L3MBTL4: variants seen among roughly 807,000 people sequenced by gnomAD.
The protein encoded by L3MBTL4 is L3MBTL histone methyl-lysine binding protein 4, also known as lethal(3)malignant brain tumor-like protein 4.
In L3MBTL4, 70 loss-of-function variants were observed where a neutral mutation model predicts 84.5. The ratio of observed to expected loss-of-function variants is 0.83; its 90% CI spans 0.68 to 1.01. L3MBTL4 has a LOEUF of 1.01. Ranked by LOEUF, L3MBTL4 falls within the 50% of genes least tolerant of loss-of-function variation. The pLI, the probability that L3MBTL4 is intolerant of heterozygous loss-of-function variation, is 0.00. For synonymous variants in L3MBTL4, 274 were observed against 259.8 expected (o/e 1.05, Z -0.52); for missense variants, 715 against 754.8 (o/e 0.95, Z 0.62).
At chr18:6,064,543 C>T (rs1282871928) in intron 16 of L3MBTL4, among the ~76,000 whole-genome samples, 1 of 148,690 alleles carries the variant, frequency 6.7e-6, no homozygotes, top group Non-Finnish European at 1.5e-5. Context: ...CTCAGCAGTG[C>T]TTTGTCATTT....
At chr18:6,172,655 A>G (rs1268404869) in intron 12 of L3MBTL4, among the ~76,000 whole-genome samples, 3 of 152,162 alleles carry the variant, frequency 2.0e-5, no homozygotes, top group African/African-American at 7.2e-5. Context: ...CAAAACACAC[A>G]CACACATACC....
intron 14 of L3MBTL4, among the ~76,000 whole-genome samples, chr18:6,125,783 T>C (rs2059675515): frequency 6.6e-6 from 1 of 152,182 alleles, no homozygotes; most frequent in Admixed American, 6.5e-5. Flanking sequence ...CTGAATAAAA[T>C]ACCATGAAAA....
intron 1 of L3MBTL4, among the ~76,000 whole-genome samples, chr18:6,399,294 C>T (rs961685741): frequency 9.2e-5 from 14 of 151,948 alleles, no homozygotes; most frequent in African/African-American, 3.1e-4. Context: ...ATAAATTACC[C>T]GGGTGTGGTG....
At chr18:6,289,917 CTTT>C (rs2049774072) in intron 4 of L3MBTL4, among the ~76,000 whole-genome samples, 1 of 151,924 alleles carries the variant, frequency 6.6e-6, no homozygotes, top group Non-Finnish European at 1.5e-5. Context: ...CTTTTTGTTT[CTTT>C]GTTTTTTGTT....
chr18:6,073,299 C>T (rs977411322), intron 16 of L3MBTL4, among the ~76,000 whole-genome samples: 1 of 151,832 alleles, frequency 6.6e-6, no homozygotes, highest in African/African-American at 2.4e-5. Flanking sequence ...TTATAAACAA[C>T]TCAATAGCAA....
intron 1 of L3MBTL4, among the ~76,000 whole-genome samples, chr18:6,362,790 G>A (rs1235715655): frequency 6.6e-6 from 1 of 152,208 alleles, no homozygotes; most frequent in Non-Finnish European, 1.5e-5. Flanking sequence ...GTAGTGGGAA[G>A]AGAAAGCAAT....
chr18:6,063,299 C>CTGTGTGTGTGTGTGTGTGTG (rs61413638), intron 16 of L3MBTL4, among the ~76,000 whole-genome samples: 3 of 141,142 alleles, frequency 2.1e-5, no homozygotes, highest in Non-Finnish European at 4.6e-5. Flanking sequence ...CTATAAATAT[C>CTGTGTGTGTGTGTGTGTGTG]TGTGTGTGTG....
intron 1 of L3MBTL4, among the ~76,000 whole-genome samples, chr18:6,324,531 T>C (rs2051611851): frequency 6.6e-6 from 1 of 152,238 alleles, no homozygotes; most frequent in Non-Finnish European, 1.5e-5. Flanking sequence ...TGCTATGACT[T>C]GCTTTGACCA....
chr18:6,213,270 T>C lies in L3MBTL4; in HGVS notation c.871-11A>G, dbSNP rs773855658. ...ACCATGAGGCAACCTCTGTAAATGT[T>C]ATTATAAGTACAACAAATCATGCAA... On this transcript the variant is annotated splice_polypyrimidine_tract_variant and intron_variant, in intron 11 of 18. Transcript: ENST00000317931. 7.6e-6 allele frequency: 11 copies of C among 1,446,802 alleles called. No homozygotes were observed. In the East Asian group the frequency reaches 2.3e-4, roughly 30 times the overall value. The allele number at this position is 1,446,802 out of a possible 1,614,324, so 89.6% of individuals were successfully genotyped here.
intron 13 of L3MBTL4, among the ~76,000 whole-genome samples, chr18:6,143,734 G>A (rs1397579432): frequency 6.6e-6 from 1 of 152,084 alleles, no homozygotes; most frequent in Non-Finnish European, 1.5e-5. Context: ...CCTGAAATTA[G>A]TTTTGTAGTT....
At chr18:6,173,494 C>T (rs567686732) in intron 12 of L3MBTL4, among the ~76,000 whole-genome samples, 2 of 152,082 alleles carry the variant, frequency 1.3e-5, no homozygotes, top group Non-Finnish European at 2.9e-5. Flanking sequence ...AAGGGGGAAC[C>T]AAAGGCAGGG....
intron 13 of L3MBTL4, among the ~76,000 whole-genome samples, chr18:6,163,824 A>G (rs954149852): frequency 1.3e-5 from 2 of 152,154 alleles, no homozygotes; most frequent in South Asian, 4.1e-4. Context: ...GGAACGCTGG[A>G]CAGTGGGTGC....
At chr18:6,147,444 T>C (rs960632228) in intron 13 of L3MBTL4, among the ~76,000 whole-genome samples, 2 of 151,986 alleles carry the variant, frequency 1.3e-5, no homozygotes, top group Non-Finnish European at 2.9e-5. Context: ...TCATATTTCA[T>C]AATACATAAA....
chr18:6,170,759 G>A (rs1318091283), intron 13 of L3MBTL4, among the ~76,000 whole-genome samples: 1 of 152,144 alleles, frequency 6.6e-6, no homozygotes, highest in Non-Finnish European at 1.5e-5. Context: ...CACATAAAGT[G>A]AGAACCATCT....
At chr18:6,387,800 C>A (rs1300701795) in intron 1 of L3MBTL4, among the ~76,000 whole-genome samples, 1 of 151,990 alleles carries the variant, frequency 6.6e-6, no homozygotes, top group Non-Finnish European at 1.5e-5. Context: ...GAGTAGGGAG[C>A]CAAAGAAGCT....
intron 10 of L3MBTL4, among the ~76,000 whole-genome samples, chr18:6,236,670 C>G (rs2146061163): frequency 6.6e-6 from 1 of 152,252 alleles, no homozygotes; most frequent in East Asian, 1.9e-4. Flanking sequence ...GCCACTTTTA[C>G]AGAAAAATAA....
rs982086683 is a variant in L3MBTL4 at position 6,263,140 on chromosome 18, C to T, written c.219+807G>A. 5.3e-5 allele frequency among the ~76,000 whole-genome samples: 8 copies of T among 151,962 alleles called. 2 individuals carry two copies. Among genetic ancestry groups the T allele is most frequent in the Non-Finnish European group, 2.9e-5 (2 of 67,956 alleles). On this transcript the variant is annotated intron_variant, in intron 5 of 18. Transcript: ENST00000317931. ...CAAAAATTAGCTGGGCATGGTGGCA[C>T]GCATCTGTAATCCCAGCTTCTCAGA...
At position 6,213,342 on chromosome 18, in the gene L3MBTL4, GT is replaced by G. The variant is rs1379186453; in HGVS notation, c.871-84del. ...TACTAATTTTTTCTAAAATACTACT[GT>G]TTTAGTTTTAATATGCAGATCTTCA... On this transcript the variant is annotated intron_variant, in intron 11 of 18. Transcript: ENST00000317931. 1.7e-5 allele frequency: 12 copies of G among 691,990 alleles called. No individual in the cohort carries two copies. In the African/African-American group the frequency reaches 1.8e-4, roughly 11 times the overall value. The allele number at this position is 691,990 out of a possible 1,614,324, so 42.9% of individuals were successfully genotyped here.
At chr18:6,386,434 C>T (rs1373034855) in intron 1 of L3MBTL4, among the ~76,000 whole-genome samples, 1 of 152,204 alleles carries the variant, frequency 6.6e-6, no homozygotes, top group Non-Finnish European at 1.5e-5. Flanking sequence ...TTTTACTGAG[C>T]ACTTACTACA....
Sources: allele counts gnomAD v4.1 joint callset (sites outside exome capture counted in the v4.1 genomes callset), GRCh38; gene constraint gnomAD v4.1.1; transcripts MANE v1.5; gene names NCBI Gene and HGNC (gene_info 2026-07-23, HGNC 2026-07-21).